Variants in SETBP1 observed in about 807,000 individuals in gnomAD.
The protein encoded by SETBP1 is SET binding protein 1.
A neutral mutation model predicts 101.0 loss-of-function variants in SETBP1; 9 were observed. That is an observed-to-expected ratio of 0.09 (90% CI 0.05 to 0.16). SETBP1 has a LOEUF of 0.16. Ranked by LOEUF, SETBP1 falls within the 10% of genes least tolerant of loss-of-function variation. The pLI is 1.00. For synonymous variants in SETBP1, 818 were observed against 788.5 expected (o/e 1.04, Z -0.63); for missense variants, 1,858 against 2,033.8 (o/e 0.91, Z 1.66).
At chr18:45,027,129 A>G (rs1162661025) in intron 4 of SETBP1, among the ~76,000 whole-genome samples, 2 of 152,210 alleles carry the variant, frequency 1.3e-5, no homozygotes, top group African/African-American at 4.8e-5. Flanking sequence ...ATCGAGAGAG[A>G]GTGACTTCTG....
At position 45,063,099 on chromosome 18, in the gene SETBP1, A is replaced by C. The variant is rs539048789; in HGVS notation, c.4192A>C (p.Arg1398=). The change falls in exon 6 of 6, where the codon AGG becomes CGG. Residue 1398 remains arginine (R), a synonymous_variant. Coordinates refer to ENST00000649279, the MANE Select transcript of SETBP1 (RefSeq NM_015559.3). The stretch of plus-strand genomic sequence containing the variant: ...CGCAGTCGGCTCCTCCCTGAAGAAG[A>C]GGTTCAAGCGGCGGGAGATCGAAGC... ...SDAVGSSLKK[R]FKRREIEAIQ... 21 of 1,614,030 alleles carry C rather than the reference A, an allele frequency of 1.3e-5. No individual in the cohort carries two copies. In the South Asian group the frequency reaches 1.9e-4, roughly 14 times the overall value.
chr18:44,965,284 AACAC>A (rs60728043), intron 4 of SETBP1, among the ~76,000 whole-genome samples: 28 of 147,130 alleles, frequency 1.9e-4, no homozygotes, highest in African/African-American at 5.8e-4. Flanking sequence ...CATGCACACA[AACAC>A]ACACACACAC....
intron 2 of SETBP1, among the ~76,000 whole-genome samples, chr18:44,729,181 C>A (rs1457949248): frequency 6.6e-6 from 1 of 152,106 alleles, no homozygotes; most frequent in African/African-American, 2.4e-5. Context: ...GTTCTTTGGA[C>A]CCCGTGTCCT....
intron 5 of SETBP1, among the ~76,000 whole-genome samples, chr18:45,061,773 T>C (rs2073894074): frequency 6.6e-6 from 1 of 152,248 alleles, no homozygotes. Context: ...TTAAGATATT[T>C]ATTCTGCTTC....
intron 3 of SETBP1, among the ~76,000 whole-genome samples, chr18:44,901,601 G>A (rs191550688): frequency 1.9e-3 from 282 of 152,232 alleles, no homozygotes; most frequent in African/African-American, 5.7e-3. Flanking sequence ...TCTGCCTGTA[G>A]CATTTAACCC....
In SETBP1 at chr18:44,863,751, C is replaced by T. The variant is rs1009189180; in HGVS notation, c.487-5479C>T. 7.8e-4 allele frequency among the ~76,000 whole-genome samples: 118 copies of T among 152,186 alleles called. 2 individuals are homozygous for T. Among genetic ancestry groups the T allele is most frequent in the African/African-American group, 2.7e-3 (112 of 41,422 alleles). ...CTCGCCAAAGCCATCTTCACTCTGTCTCTCTACCTACCTACCTAGCTACCT... is the reference window on the plus strand; with the variant it reads ...CTCGCCAAAGCCATCTTCACTCTGTTTCTCTACCTACCTACCTAGCTACCT... On this transcript the variant is annotated intron_variant, in intron 2 of 5. Transcript: ENST00000649279.
chr18:44,884,756 C>T (rs1342464835), intron 3 of SETBP1, among the ~76,000 whole-genome samples: 4 of 152,132 alleles, frequency 2.6e-5, no homozygotes, highest in Admixed American at 2.6e-4. Context: ...TTCTACTGGA[C>T]CCTGCTGGCA....
In SETBP1 at chr18:44,883,412, A is replaced by G. The variant is rs78279369; in HGVS notation, c.540+14129A>G. Among the ~76,000 whole-genome samples the G allele has an allele frequency of 5.8e-4, 88 of 152,290 alleles. 1 individual carries two copies. In the East Asian group the frequency reaches 0.015, roughly 25 times the overall value. On this transcript the variant is annotated intron_variant, in intron 3 of 5. Coordinates refer to ENST00000649279, the MANE Select transcript of SETBP1 (RefSeq NM_015559.3). ...TCTCCACAATGTCTTTAAAATAAGT[A>G]TATGCTATAAGCATGCCATTTTGAG...
intron 2 of SETBP1, among the ~76,000 whole-genome samples, chr18:44,743,657 G>C (rs1241836197): frequency 6.6e-6 from 1 of 152,190 alleles, no homozygotes; most frequent in Non-Finnish European, 1.5e-5. Flanking sequence ...TAGCTCTGTG[G>C]CTAAAATTAG....
chr18:45,061,252 G>A (rs1010592390), intron 5 of SETBP1, among the ~76,000 whole-genome samples: 16 of 152,084 alleles, frequency 1.1e-4, no homozygotes, highest in African/African-American at 3.6e-4. Context: ...TAGGGAATAC[G>A]ACTACAAGGC....
chr18:44,687,640 C>G (rs1429246830), intron 1 of SETBP1, among the ~76,000 whole-genome samples: 1 of 152,180 alleles, frequency 6.6e-6, no homozygotes, highest in Non-Finnish European at 1.5e-5. Flanking sequence ...GGTAAAATAA[C>G]TGACTTGAAT....
intron 4 of SETBP1, among the ~76,000 whole-genome samples, chr18:45,014,242 G>A (rs2072898061): frequency 6.6e-6 from 1 of 152,186 alleles, no homozygotes; most frequent in South Asian, 2.1e-4. Flanking sequence ...ATAGCAAGGA[G>A]GTGGAGATCA....
At chr18:44,781,813 C>T (rs1376917064) in intron 2 of SETBP1, among the ~76,000 whole-genome samples, 2 of 152,130 alleles carry the variant, frequency 1.3e-5, no homozygotes, top group African/African-American at 2.4e-5. Flanking sequence ...AGCCAAGCTG[C>T]AGTTTCTTGA....
At chr18:44,684,452 G>A (rs1394456691) in intron 1 of SETBP1, among the ~76,000 whole-genome samples, 1 of 152,080 alleles carries the variant, frequency 6.6e-6, no homozygotes, top group East Asian at 1.9e-4. Flanking sequence ...ATGCCCCCCT[G>A]AGATACATCA....
At chr18:44,771,152 A>C (rs2070864029) in intron 2 of SETBP1, among the ~76,000 whole-genome samples, 1 of 151,568 alleles carries the variant, frequency 6.6e-6, no homozygotes, top group African/African-American at 2.4e-5. Flanking sequence ...CCCAGGATCC[A>C]CTCCAGATCT....
chr18:44,767,899 G>T (rs2070792333), intron 2 of SETBP1, among the ~76,000 whole-genome samples: 1 of 152,220 alleles, frequency 6.6e-6, no homozygotes, highest in South Asian at 2.1e-4. Flanking sequence ...GCTGATAAAG[G>T]ATAGTCCATT....
intron 4 of SETBP1, among the ~76,000 whole-genome samples, chr18:44,995,716 G>A (rs61505374): frequency 0.052 from 7,983 of 152,204 alleles, 733 homozygotes; most frequent in African/African-American, 0.18. Context: ...TGTCTGCCAA[G>A]GACCTTCTTG....
chr18:44,768,704 C>G (rs139023825), intron 2 of SETBP1, among the ~76,000 whole-genome samples: 1 of 152,124 alleles, frequency 6.6e-6, no homozygotes, highest in Non-Finnish European at 1.5e-5. Context: ...ATGAATTACA[C>G]AAGAAACCTA....
chr18:44,834,385 C>G (rs560217104), intron 2 of SETBP1, among the ~76,000 whole-genome samples: 1 of 152,234 alleles, frequency 6.6e-6, no homozygotes, highest in Admixed American at 6.5e-5. Context: ...TGGTTAATTG[C>G]TAAGTACGTA....
Sources: allele counts gnomAD v4.1 joint callset (sites outside exome capture counted in the v4.1 genomes callset), GRCh38; gene constraint gnomAD v4.1.1; transcripts MANE v1.5; gene names NCBI Gene and HGNC (gene_info 2026-07-23, HGNC 2026-07-21).